The following KRT3 variants were observed in gnomAD, a reference collection of about 807,000 sequenced individuals.
KRT3 encodes the protein keratin 3.
A neutral mutation model predicts 45.8 loss-of-function variants in KRT3; 34 were observed. That is an observed-to-expected ratio of 0.74 (90% CI 0.57 to 0.99). The LOEUF is 0.99. KRT3 is among the 50% of genes least tolerant of loss of function. The pLI is 0.00. For missense variants in KRT3, 828 were observed against 820.6 expected (o/e 1.01, Z -0.11); for synonymous variants, 367 against 329.0 (o/e 1.12, Z -1.25).
intron 1 of KRT3, among the ~76,000 whole-genome samples, 196 bp from the exon 2 acceptor site, chr12:52,794,527 C>T (rs1166058029): frequency 1.2e-4 from 19 of 152,252 alleles, no homozygotes; most frequent in African/African-American, 4.1e-4. Flanking sequence ...ACACTTGCAG[C>T]GTGGTTTGGA....
intron 1 of KRT3, 49 bp from the exon 2 acceptor site, chr12:52,794,380 G>A (rs1388451581): frequency 7.0e-7 from 1 of 1,419,414 alleles, no homozygotes; most frequent in Non-Finnish European, 1.0e-6. Context: ...TAGCAGAGGA[G>A]CAGAGGGGCC....
intron 2 of KRT3, 58 bp from the exon 3 acceptor site, chr12:52,793,281 T>C (rs1939568833): frequency 2.3e-5 from 28 of 1,207,320 alleles, no homozygotes; most frequent in Non-Finnish European, 2.9e-5. Context: ...TAAACACCAT[T>C]GTTCCCTGGA....
intron 8 of KRT3, 37 bp from the exon 9 acceptor site, chr12:52,790,395 C>T (rs753885533): frequency 6.5e-7 from 1 of 1,547,574 alleles, no homozygotes; most frequent in Non-Finnish European, 8.7e-7. Context: ...TCAGCGACGG[C>T]GCCCAGGCCA....
chr12:52,789,702 T>C lies in KRT3; in HGVS notation c.*340A>G. 6.4e-6 allele frequency: 3 copies of C among 466,810 alleles called. No homozygotes were observed. The highest frequency in any genetic ancestry group is 1.2e-5 in the Non-Finnish European group (3 of 257,704). 28.9% of individuals were successfully genotyped at this position (466,810 alleles called of 1,614,324 possible). A position where few individuals can be genotyped will look rare whatever the true frequency, so the allele number is the denominator to read the frequency against. ...GCCCGGAGTGAAACACAGTGCACTT[T>C]ATTGGCGACAGACCGGAGGGGCGGA... On this transcript the variant is annotated 3_prime_UTR_variant, in exon 9 of 9. Transcript: ENST00000417996.
In KRT3 at chr12:52,795,575, G is replaced by C; in HGVS notation, c.468C>G (p.Gly156=). ...CCCCAGGGCCAAAGCCACCAGGACT[G>C]CCCAAGCTGCCAGGCCCACCAAAGC... ...SGGFGGPGSL[G]SPGGFGPGGF... is the part of the protein sequence containing the mutation. Residue 156 remains glycine (G), a synonymous_variant, in exon 1 of 9, where the codon GGC becomes GGG. Coordinates refer to ENST00000417996, the MANE Select transcript of KRT3 (RefSeq NM_057088.3). The C allele has an allele frequency of 6.2e-7, 1 of 1,608,014 alleles. No individual in the cohort carries two copies. Among genetic ancestry groups the C allele is most frequent in the Non-Finnish European group, 8.5e-7 (1 of 1,176,910 alleles).
rs765075682 is a variant in KRT3, at chr12:52,792,327, A to C, written c.1100T>G (p.Leu367Arg). ...ACGAACTTCAGCAATGATGCTGTCC[A>C]GGTCCAGGGAGCGATTATTGTCCAT... ...LSMDNNRSLD[L>R]DSIIAEVRAQ... Residue 367 changes from leucine to arginine, a missense_variant, in exon 5 of 9, where the codon CTG becomes CGG. Coordinates refer to ENST00000417996, the MANE Select transcript of KRT3 (RefSeq NM_057088.3). The C allele has an allele frequency of 6.2e-7, 1 of 1,613,918 alleles. No individual in the cohort carries two copies. The highest frequency in any genetic ancestry group is 1.3e-5 in the African/African-American group (1 of 74,922).
chr12:52,791,091 C>T, intron 7 of KRT3, 115 bp downstream of exon 7: 1 of 1,519,274 alleles, frequency 6.6e-7, no homozygotes. Context: ...AAATGCTTCA[C>T]CACAAGGCCT....
chr12:52,795,743 G>A lies in KRT3; in HGVS notation c.300C>T (p.Gly100=), dbSNP rs1939627446. ...AGCCACCACCAAAGCCACCTCCATA[G>A]CCGCTCCCAAAGCCACCTCCATAGC... is the stretch of plus-strand genomic sequence containing the variant. ...AGGYGGGFGS[G]YGGGFGGGFG... Residue 100 remains glycine (G), a synonymous_variant, in exon 1 of 9, where the codon GGC becomes GGT. Coordinates refer to ENST00000417996, the MANE Select transcript of KRT3 (RefSeq NM_057088.3). 1 of 1,612,872 alleles carries A rather than the reference G, an allele frequency of 6.2e-7. No homozygotes were observed. The highest frequency in any genetic ancestry group is 8.5e-7 in the Non-Finnish European group (1 of 1,179,182).
chr12:52,795,625 GA>G lies in KRT3; in HGVS notation c.417del (p.Pro140LeufsTer34). On this transcript the variant is annotated frameshift_variant, in exon 1 of 9. Transcript: ENST00000417996. LOFTEE classifies it high-confidence loss of function. ...GGFGGAGGFG[G>X]PGGFGGSGGF... Reference sequence around the variant, plus strand: ...CCACCAGACCCACCAAAGCCACCAGGACCACCAAAGCCACCAGCCCCTCCAA... The same window carrying G: ...CCACCAGACCCACCAAAGCCACCAGGCCACCAAAGCCACCAGCCCCTCCAA... 2 of 1,584,688 alleles carry G rather than the reference GA, an allele frequency of 1.3e-6. No individual in the cohort carries two copies.
In KRT3 at chr12:52,791,203, C is replaced by G; in HGVS notation, c.1535+3G>C. On this transcript the variant is annotated splice_donor_region_variant and intron_variant, in intron 7 of 8. Coordinates refer to ENST00000417996, the MANE Select transcript of KRT3 (RefSeq NM_057088.3). ...GTGTGGGAAGACGGGACTGGAGGCT[C>G]ACCTGTACTCCTCGCCCTCCAGCAG... 6.2e-7 allele frequency: 1 copy of G among 1,614,196 alleles called. No individual in the cohort carries two copies. The highest frequency in any genetic ancestry group is 1.3e-5 in the African/African-American group (1 of 75,066).
intron 8 of KRT3, 35 bp from the exon 9 acceptor site, chr12:52,790,393 G>T: frequency 1.9e-6 from 3 of 1,551,532 alleles, no homozygotes; most frequent in African/African-American, 2.7e-5. Flanking sequence ...GATCAGCGAC[G>T]GCGCCCAGGC....
At chr12:52,792,940 A>C (rs1199396070) in intron 3 of KRT3, 134 bp from the exon 4 acceptor site, 15 of 719,058 alleles carry the variant, frequency 2.1e-5, no homozygotes, top group Non-Finnish European at 3.7e-5. Context: ...TGAACGGGCA[A>C]TTTGTATCTC....
rs1939460652 is a variant in KRT3 at position 52,790,285 on chromosome 12, A to ACCGC, written c.1640_1643dup (p.Gly549ArgfsTer180). 1 of 1,556,248 alleles carries ACCGC rather than the reference A, an allele frequency of 6.4e-7. No individual in the cohort carries two copies. Among genetic ancestry groups the ACCGC allele is most frequent in the African/African-American group, 1.4e-5 (1 of 73,074 alleles). On this transcript the variant is annotated frameshift_variant, in exon 9 of 9. Coordinates refer to ENST00000417996, the MANE Select transcript of KRT3 (RefSeq NM_057088.3). LOFTEE classifies it low-confidence loss of function (END_TRUNC). The stretch of plus-strand genomic sequence containing the variant: ...CCGCACTGAAGCCACCTCCTAAACC[A>ACCGC]CCGCCCATGCCTCCGCCGTAACCTC...
intron 3 of KRT3, 46 bp from the exon 4 acceptor site, chr12:52,792,852 C>T: frequency 8.1e-7 from 1 of 1,234,046 alleles, no homozygotes; most frequent in Non-Finnish European, 1.2e-6. Context: ...AATGAACAAA[C>T]AGCAAACCAC....
chr12:52,790,921 C>T (rs1251841938), intron 7 of KRT3, 49 bp from the exon 8 acceptor site: 1 of 1,543,258 alleles, frequency 6.5e-7, no homozygotes, highest in South Asian at 1.2e-5. Context: ...AGCACATCAC[C>T]AACAAGTCCA....
At position 52,790,224 on chromosome 12, in the gene KRT3, C is replaced by T. The variant is rs1318104379; in HGVS notation, c.1705G>A (p.Gly569Ser). Residue 569 changes from glycine to serine, a missense_variant, in exon 9 of 9, where the codon GGC (glycine) becomes AGC (serine). Coordinates refer to ENST00000417996, the MANE Select transcript of KRT3 (RefSeq NM_057088.3). The part of the protein sequence containing the change: ...GSGSGFGRGG[G>S]GGIGGGFGGG... ...CCAAATCCACCGCCGATTCCACCGCCGCCTCCCCGGCCAAAGCCACTGCCT... is the reference window on the plus strand; with the variant it reads ...CCAAATCCACCGCCGATTCCACCGCTGCCTCCCCGGCCAAAGCCACTGCCT... 1 of 1,511,866 alleles carries T rather than the reference C, an allele frequency of 6.6e-7. No individual in the cohort carries two copies. The allele number at this position is 1,511,866 out of a possible 1,614,324, so 93.7% of individuals were successfully genotyped here.
At position 52,795,843 on chromosome 12, in the gene KRT3, G is replaced by A; in HGVS notation, c.200C>T (p.Ser67Phe). ...LYNLGGNKSI[S>F]ISVAAGGSRA... Reference sequence around the variant, plus strand: ...GGAGCCGCCAGCTGCCACGCTGATGGAGATGCTCTTGTTGCCGCCCAGGTT... The same window carrying A: ...GGAGCCGCCAGCTGCCACGCTGATGAAGATGCTCTTGTTGCCGCCCAGGTT... Residue 67 changes from serine to phenylalanine, a missense_variant, in exon 1 of 9, where the codon TCC (serine) becomes TTC (phenylalanine). Ser to Phe is a radical substitution (Grantham distance 155). Coordinates refer to ENST00000417996, the MANE Select transcript of KRT3 (RefSeq NM_057088.3). The A allele has an allele frequency of 6.2e-7, 1 of 1,614,158 alleles. No individual in the cohort carries two copies. The highest frequency in any genetic ancestry group is 1.1e-5 in the South Asian group (1 of 91,078).
intron 8 of KRT3, 95 bp downstream of exon 8, chr12:52,790,742 TC>T (rs1939472265): frequency 1.8e-6 from 2 of 1,132,746 alleles, no homozygotes; most frequent in Non-Finnish European, 2.6e-6. Context: ...CCCTCCAACT[TC>T]CGTAAAAATA....
chr12:52,794,280 G>A lies in KRT3; in HGVS notation c.697C>T (p.Leu233Phe). 1 of 1,614,204 alleles carries A rather than the reference G, an allele frequency of 6.2e-7. No individual in the cohort carries two copies. The highest frequency in any genetic ancestry group is 2.2e-5 in the East Asian group (1 of 44,888). ...ATGGAACTTGTGCCCTGCTGCTGGA[G>A]CAGGTTCCACTTGGTCTCCAGGACT... ...NKVLETKWNL[L>F]QQQGTSSISG... Residue 233 changes from leucine (L) to phenylalanine (F), a missense_variant, in exon 2 of 9, where the codon CTC becomes TTC. By Grantham distance (22) the Leu-to-Phe change is conservative. Coordinates refer to ENST00000417996, the MANE Select transcript of KRT3 (RefSeq NM_057088.3).
Sources: allele counts gnomAD v4.1 joint callset (sites outside exome capture counted in the v4.1 genomes callset), GRCh38; gene constraint gnomAD v4.1.1; transcripts MANE v1.5; gene names NCBI Gene and HGNC (gene_info 2026-07-23, HGNC 2026-07-21).